The following GLB1L2 variants were observed in gnomAD, a reference collection of about 807,000 sequenced individuals.
GLB1L2 encodes the protein beta-galactosidase-1-like protein 2.
A neutral mutation model predicts 84.1 loss-of-function variants in GLB1L2; 68 were observed. That is an observed-to-expected ratio of 0.81 (90% CI 0.67 to 0.99). GLB1L2 has a LOEUF of 0.99. GLB1L2 is among the 50% of genes least tolerant of loss of function. GLB1L2 has a pLI of 0.00. For missense variants in GLB1L2, 762 were observed against 805.6 expected, an observed-to-expected ratio of 0.95 and a Z score of 0.66; for synonymous variants, 290 against 318.0, an observed-to-expected ratio of 0.91 and a Z score of 0.94.
chr11:134,373,455 G>GT (rs1165319456), intron 15 of GLB1L2, among the ~76,000 whole-genome samples: 1 of 152,188 alleles, frequency 6.6e-6, no homozygotes, highest in Non-Finnish European at 1.5e-5. Context: ...TTCTCGCCCT[G>GT]TAACACCTCA....
chr11:134,367,098 C>T, intron 8 of GLB1L2, 159 bp from the exon 9 acceptor site: 2 of 680,114 alleles, frequency 2.9e-6, no homozygotes, highest in Non-Finnish European at 5.2e-6. Flanking sequence ...GCGAATTTGG[C>T]CCTCACCTAT....
intron 2 of GLB1L2, 61 bp downstream of exon 2, chr11:134,343,012 T>C (rs1210178379): frequency 1.3e-6 from 2 of 1,524,948 alleles, no homozygotes; most frequent in Non-Finnish European, 1.8e-6. Flanking sequence ...GGTGTCTGCA[T>C]GCGAAAAAAT....
At chr11:134,360,651 G>A (rs910998565) in intron 7 of GLB1L2, 2 of 151,406 alleles carry the variant, frequency 1.3e-5, no homozygotes, top group South Asian at 2.1e-4. Context: ...CTGCTGCCCG[G>A]AATAACTTCT....
At chr11:134,359,331 C>T (rs1372634808) in intron 7 of GLB1L2, among the ~76,000 whole-genome samples, 190 bp downstream of exon 7, 2 of 152,334 alleles carry the variant, frequency 1.3e-5, no homozygotes, top group East Asian at 1.9e-4. Context: ...GATTGTGGTG[C>T]GTGGCTGGCT....
intron 8 of GLB1L2, 34 bp downstream of exon 8, chr11:134,364,432 C>G: frequency 6.5e-7 from 1 of 1,542,080 alleles, no homozygotes; most frequent in Non-Finnish European, 9.0e-7. Context: ...GCGGCCCGCC[C>G]TGCTCAGCGG....
At chr11:134,369,259 C>T (rs892554835) in intron 10 of GLB1L2, among the ~76,000 whole-genome samples, 11 of 152,214 alleles carry the variant, frequency 7.2e-5, no homozygotes, top group Non-Finnish European at 1.3e-4. Flanking sequence ...GTAGTGTGAT[C>T]ATAGCTCACT....
chr11:134,352,639 AAT>A (rs1298969323), intron 5 of GLB1L2, among the ~76,000 whole-genome samples: 1 of 150,270 alleles, frequency 6.7e-6, no homozygotes, highest in African/African-American at 2.5e-5. Flanking sequence ...CATTTTTCTC[AAT>A]ATGTCTTCTT....
At chr11:134,355,670 C>A (rs538764354) in intron 5 of GLB1L2, among the ~76,000 whole-genome samples, 2 of 152,214 alleles carry the variant, frequency 1.3e-5, no homozygotes, top group African/African-American at 4.8e-5. Flanking sequence ...TTTTCATTTT[C>A]TTTTGCTGTA....
chr11:134,372,931 A>G (rs1398263575), intron 15 of GLB1L2, among the ~76,000 whole-genome samples: 1 of 152,168 alleles, frequency 6.6e-6, no homozygotes, highest in Non-Finnish European at 1.5e-5. Context: ...TGGAAGGAGC[A>G]CCAGCCTGAC....
chr11:134,342,720 G>A, intron 1 of GLB1L2, 34 bp from the exon 2 acceptor site: 22 of 1,598,730 alleles, frequency 1.4e-5, no homozygotes, highest in Non-Finnish European at 1.9e-5. Context: ...GCGGCCCGGA[G>A]CCTCCAGGCT....
intron 8 of GLB1L2, among the ~76,000 whole-genome samples, chr11:134,366,516 A>C (rs1476193347): frequency 2.6e-5 from 4 of 152,202 alleles, no homozygotes; most frequent in Non-Finnish European, 5.9e-5. Flanking sequence ...CAGAGCCTGA[A>C]ATACTAGCGT....
In GLB1L2 at chr11:134,347,406, C is replaced by T. The variant is rs138604285; in HGVS notation, c.531C>T (p.His177=). 8,983 of 1,613,866 alleles carry T rather than the reference C, an allele frequency of 5.6e-3. 80 individuals carry two copies. The highest frequency in any genetic ancestry group is 0.027 in the South Asian group (2,440 of 91,060). Reference sequence around the variant, plus strand: ...AAGCAGTGGACCTTTATTTTGACCACCTGATGTCCAGGGTGGTGCCACTCC... The same window carrying T: ...AAGCAGTGGACCTTTATTTTGACCATCTGATGTCCAGGGTGGTGCCACTCC... ...FTEAVDLYFD[H]LMSRVVPLQY... is the part of the protein sequence containing the mutation. Residue 177 remains histidine (H), a synonymous_variant, in exon 5 of 19, where the codon CAC becomes CAT. Coordinates refer to ENST00000535456, the MANE Select transcript of GLB1L2 (RefSeq NM_001370461.1).
intron 1 of GLB1L2, among the ~76,000 whole-genome samples, chr11:134,337,794 G>A (rs984652847): frequency 6.6e-6 from 1 of 152,128 alleles, no homozygotes. Flanking sequence ...GGAGGAGGGT[G>A]GAGGTGAGTG....
chr11:134,349,523 T>C (rs1430271483), intron 5 of GLB1L2, among the ~76,000 whole-genome samples: 2 of 152,212 alleles, frequency 1.3e-5, no homozygotes, highest in Non-Finnish European at 2.9e-5. Flanking sequence ...GCCATACCGT[T>C]TTCCACAGAA....
In GLB1L2 at chr11:134,338,085, C is replaced by A. The variant is rs560074306; in HGVS notation, c.87-4669C>A. On this transcript the variant is annotated intron_variant, in intron 1 of 18. Coordinates refer to ENST00000535456, the MANE Select transcript of GLB1L2 (RefSeq NM_001370461.1). The surrounding 1 kb of genome is among the most constrained non-coding windows in gnomAD (Gnocchi z 6.2). ...TGGCCAGCCTCGGACTGCGTGAGTG[C>A]TGCCTGGTCTCCACCGGCGGTCATC... Among the ~76,000 whole-genome samples the A allele has an allele frequency of 6.6e-6, 1 of 152,310 alleles. No homozygotes were observed. The highest frequency in any genetic ancestry group is 2.4e-5 in the African/African-American group (1 of 41,568).
Position 134,370,476 on chromosome 11 carries a change from C to CAGTCGTCGGCGGGAGGTGAG in GLB1L2, c.1215+87_1215+106dup. The CAGTCGTCGGCGGGAGGTGAG allele has an allele frequency of 8.6e-7, 1 of 1,157,934 alleles. No homozygotes were observed. The highest frequency in any genetic ancestry group is 1.3e-6 in the Non-Finnish European group (1 of 779,196). The allele number at this position is 1,157,934 out of a possible 1,614,324, so 71.7% of individuals were successfully genotyped here. ...TTGGCAGGGAGGTGAGTGCTGGGGG[C>CAGTCGTCGGCGGGAGGTGAG]AGTCGTCGGCGGGAGGTGAGAGTCG... is the stretch of plus-strand genomic sequence containing the variant. On this transcript the variant is annotated intron_variant, in intron 12 of 18. Coordinates refer to ENST00000535456, the MANE Select transcript of GLB1L2 (RefSeq NM_001370461.1). This position sits in a 1 kb window ranked among gnomAD's most constrained non-coding sequence, Gnocchi z 4.7.
Position 134,376,239 on chromosome 11 carries a change from A to G in GLB1L2, c.*1181A>G, listed in dbSNP as rs1165767487. 6.9e-6 allele frequency: 1 copy of G among 144,762 alleles called. No individual in the cohort carries two copies. Among genetic ancestry groups the G allele is most frequent in the Admixed American group, 7.0e-5 (1 of 14,228 alleles). The allele number at this position is 144,762 out of a possible 1,614,324, so 9.0% of individuals were successfully genotyped here. ...TCCTTCGAAGTGTGTCCAAGTCCGC[A>G]TTTGAGCCTTGTTCTGGGGCCCAGC... is the stretch of plus-strand genomic sequence containing the variant. On this transcript the variant is annotated 3_prime_UTR_variant, in exon 19 of 19. Coordinates refer to ENST00000535456, the MANE Select transcript of GLB1L2 (RefSeq NM_001370461.1).
Position 134,342,816 on chromosome 11 carries a change from A to G in GLB1L2, c.149A>G (p.Lys50Arg). 6.2e-7 allele frequency: 1 copy of G among 1,614,040 alleles called. No individual in the cohort carries two copies. The highest frequency in any genetic ancestry group is 1.1e-5 in the South Asian group (1 of 91,074). The stretch of plus-strand genomic sequence containing the variant: ...CATCGACAGCTGGGGCTGCAGGCCA[A>G]GGGCTGGAACTTCATGCTGGAGGAT... ...LRHRQLGLQA[K>R]GWNFMLEDST... The change falls in exon 2 of 19, where the codon AAG becomes AGG. Residue 50 changes from lysine to arginine, a missense_variant. By Grantham distance (26) the Lys-to-Arg change is conservative. This residue lies in a region of GLB1L2 where 100 missense variants were observed against 88.8 expected (regional missense o/e 1.13). Transcript: ENST00000535456.
chr11:134,367,774 G>A (rs761356461), intron 9 of GLB1L2, among the ~76,000 whole-genome samples: 3 of 152,134 alleles, frequency 2.0e-5, no homozygotes, highest in Non-Finnish European at 4.4e-5. Context: ...ATGCACATAC[G>A]GACAGCTTTC....
Sources: gnomAD v4.1 joint callset for allele counts (sites outside exome capture counted in the v4.1 genomes callset) on GRCh38, gnomAD v4.1.1 for gene constraint, gnomAD v4.1.1 regional missense constraint, Gnocchi (gnomAD v3.1) non-coding constraint, MANE v1.5 for transcripts, NCBI Gene and HGNC (gene_info 2026-07-23, HGNC 2026-07-21) for gene names.